The following SNTG1 variants were observed in gnomAD, a reference collection of about 807,000 sequenced individuals.
The protein encoded by SNTG1 is gamma-1-syntrophin.
A neutral mutation model predicts 74.7 loss-of-function variants in SNTG1; 39 were observed. The ratio of observed to expected loss-of-function variants is 0.52; its 90% confidence interval spans 0.40 to 0.68. The LOEUF (loss-of-function observed/expected upper bound fraction) is 0.68. Among genes scored for constraint, SNTG1 ranks in the 30% least tolerant of loss-of-function variants. The pLI, the probability that SNTG1 is intolerant of heterozygous loss-of-function variation, is 0.00. For missense variants in SNTG1, 685 were observed against 609.5 expected, an observed-to-expected ratio of 1.12 and a Z score of -1.30; for synonymous variants, 254 against 217.1, an observed-to-expected ratio of 1.17 and a Z score of -1.49.
chr8:49,916,121 T>C (rs906094186), intron 1 of SNTG1, among the ~76,000 whole-genome samples: 1 of 152,120 alleles, frequency 6.6e-6, no homozygotes, highest in Admixed American at 6.6e-5. Flanking sequence ...TTAAATTATA[T>C]AATTGCACCA....
chr8:50,039,724 G>T (rs1401362860), intron 1 of SNTG1, among the ~76,000 whole-genome samples: 1 of 152,022 alleles, frequency 6.6e-6, no homozygotes, highest in African/African-American at 2.4e-5. Flanking sequence ...TGCTTTAATG[G>T]ATGTGAATTT....
chr8:50,551,943 C>T (rs966127398), intron 11 of SNTG1, among the ~76,000 whole-genome samples: 3 of 152,076 alleles, frequency 2.0e-5, no homozygotes, highest in African/African-American at 7.2e-5. Flanking sequence ...CGTAGACCTA[C>T]CAGTAGACCT....
intron 13 of SNTG1, among the ~76,000 whole-genome samples, chr8:50,652,726 G>A (rs1027342709): frequency 3.9e-5 from 6 of 152,106 alleles, no homozygotes; most frequent in Non-Finnish European, 7.4e-5. Context: ...GAACCCAGGA[G>A]GTGGAGGTTG....
At chr8:50,047,461 A>G (rs1819192945) in intron 1 of SNTG1, among the ~76,000 whole-genome samples, 1 of 152,158 alleles carries the variant, frequency 6.6e-6, no homozygotes, top group Non-Finnish European at 1.5e-5. Flanking sequence ...GTAAAATGTG[A>G]GAGATAAAAG....
chr8:50,194,774 C>T (rs2083702134), intron 2 of SNTG1, among the ~76,000 whole-genome samples: 2 of 151,786 alleles, frequency 1.3e-5, no homozygotes, highest in African/African-American at 4.8e-5. Context: ...TCAGTTTGTG[C>T]TCTTTCATTT....
At chr8:50,075,951 C>T (rs1383789017) in intron 1 of SNTG1, among the ~76,000 whole-genome samples, 3 of 152,258 alleles carry the variant, frequency 2.0e-5, no homozygotes, top group East Asian at 3.9e-4. Flanking sequence ...GTAACACTCA[C>T]CACAAGGGTC....
At chr8:50,464,883 GAA>G (rs767387951) in intron 8 of SNTG1, among the ~76,000 whole-genome samples, 1 of 148,562 alleles carries the variant, frequency 6.7e-6, no homozygotes, top group Non-Finnish European at 1.5e-5. Flanking sequence ...TTGACTAACT[GAA>G]AAAGTCAAAA....
At chr8:50,267,133 T>A (rs959098136) in intron 2 of SNTG1, among the ~76,000 whole-genome samples, 2 of 152,204 alleles carry the variant, frequency 1.3e-5, no homozygotes, top group African/African-American at 4.8e-5. Flanking sequence ...GTTCTAAATT[T>A]TCTTTCAGAT....
intron 1 of SNTG1, among the ~76,000 whole-genome samples, chr8:50,090,999 G>A (rs1338397601): frequency 3.9e-5 from 6 of 152,058 alleles, no homozygotes; most frequent in Non-Finnish European, 8.8e-5. Flanking sequence ...GAGATGAGGA[G>A]TGCTCACAAG....
chr8:50,694,828 A>G (rs2095397754), intron 15 of SNTG1, among the ~76,000 whole-genome samples: 1 of 151,946 alleles, frequency 6.6e-6, no homozygotes, highest in Non-Finnish European at 1.5e-5. Context: ...AAGGACAAAT[A>G]TCATATAATT....
At chr8:50,202,830 T>G (rs2084042116) in intron 2 of SNTG1, among the ~76,000 whole-genome samples, 1 of 151,698 alleles carries the variant, frequency 6.6e-6, no homozygotes, top group African/African-American at 2.4e-5. Context: ...ATGTTATGTG[T>G]AGGTGAATGT....
At chr8:50,377,017 G>T (rs2092400409) in intron 2 of SNTG1, among the ~76,000 whole-genome samples, 1 of 151,926 alleles carries the variant, frequency 6.6e-6, no homozygotes, top group Non-Finnish European at 1.5e-5. Flanking sequence ...CTCCTGCCTG[G>T]GCATCATGAG....
intron 1 of SNTG1, among the ~76,000 whole-genome samples, chr8:50,058,655 G>T (rs145336022): frequency 7.2e-5 from 11 of 152,114 alleles, no homozygotes; most frequent in African/African-American, 2.2e-4. Context: ...ATTTTCAAAT[G>T]ATGGCACAAT....
At position 50,754,992 on chromosome 8, in the gene SNTG1, A is replaced by C. The variant is rs137963069; in HGVS notation, c.1395+2881A>C. Among the ~76,000 whole-genome samples the C allele has an allele frequency of 8.7e-3, 1,324 of 151,784 alleles. 25 individuals carry two copies. Among genetic ancestry groups the C allele is most frequent in the African/African-American group, 0.03 (1,224 of 41,442 alleles). On this transcript the variant is annotated intron_variant, in intron 18 of 18. Coordinates refer to ENST00000642720, the MANE Select transcript of SNTG1 (RefSeq NM_018967.5). ...TCAGTTCACAGCAAAGTTGAGTGTA[A>C]GGTACAAAAATTTCCTGTATACCAC...
intron 1 of SNTG1, among the ~76,000 whole-genome samples, chr8:50,074,409 T>C (rs1269712966): frequency 1.3e-5 from 2 of 152,182 alleles, no homozygotes; most frequent in Non-Finnish European, 2.9e-5. Context: ...ACTAAAACTT[T>C]CTTCATATCA....
At chr8:50,745,411 T>C (rs1428512225) in intron 17 of SNTG1, among the ~76,000 whole-genome samples, 2 of 151,992 alleles carry the variant, frequency 1.3e-5, no homozygotes, top group Admixed American at 1.3e-4. Flanking sequence ...GATGAGGATG[T>C]GGAGAACCTC....
At chr8:50,455,894 T>A (rs1563411226) in intron 8 of SNTG1, among the ~76,000 whole-genome samples, 1 of 152,180 alleles carries the variant, frequency 6.6e-6, no homozygotes, top group Non-Finnish European at 1.5e-5. Flanking sequence ...GAGCTCTAAG[T>A]GATTAATACT....
intron 12 of SNTG1, among the ~76,000 whole-genome samples, chr8:50,580,134 G>A (rs1375124573): frequency 6.6e-6 from 1 of 152,244 alleles, no homozygotes; most frequent in Non-Finnish European, 1.5e-5. Context: ...TTGAGTCAAA[G>A]GAGATCATTT....
chr8:50,439,716 C>CTTTTTTTTTTTTTTTTTTTTGTTTTGTT (rs60899125), intron 5 of SNTG1, among the ~76,000 whole-genome samples: 1 of 102,102 alleles, frequency 9.8e-6, no homozygotes, highest in African/African-American at 3.7e-5. Flanking sequence ...TTTTGTTTTG[C>CTTTTTTTTTTTTTTTTTTTTGTTTTGTT]TTTTTTTTTT....
Sources: allele counts gnomAD v4.1 joint callset (sites outside exome capture counted in the v4.1 genomes callset), GRCh38; gene constraint gnomAD v4.1.1; transcripts MANE v1.5; gene names NCBI Gene and HGNC (gene_info 2026-07-23, HGNC 2026-07-21).